The following TTN variants were observed in gnomAD, a reference collection of about 807,000 sequenced individuals.
The protein encoded by TTN is titin.
In TTN, 1,525 loss-of-function variants were observed where a neutral mutation model predicts 3,223.0. The observed-to-expected ratio is 0.47, with a 90% CI of 0.45 to 0.49. The LOEUF (loss-of-function observed/expected upper bound fraction) is 0.49. Ranked by LOEUF, TTN falls within the 20% of genes least tolerant of loss-of-function variation. TTN has a pLI of 0.00. For missense variants in TTN, 40,786 were observed against 43,424.0 expected, an observed-to-expected ratio of 0.94 and a Z score of 5.40; for synonymous variants, 14,094 against 15,161.0, an observed-to-expected ratio of 0.93 and a Z score of 5.17.
rs794729470 is a variant in TTN at position 178,589,453 on chromosome 2, C to T, written c.62272G>A (p.Glu20758Lys). 11 of 1,613,418 alleles carry T rather than the reference C, an allele frequency of 6.8e-6. No individual in the cohort carries two copies. The highest frequency in any genetic ancestry group is 9.3e-6 in the Non-Finnish European group (11 of 1,179,634). ...EGGESDWVKT[E>K]EVVVKEDLQK... ...AAGTCTTCTTTCACAACAACTTCCT[C>T]TGTCTTCACCCAGTCACTTTCCCCA... The change falls in exon 304 of 363, where the codon GAG (glutamate) becomes AAG (lysine). Residue 20758 changes from glutamate to lysine, a missense_variant. Physicochemically the swap from Glu to Lys is moderately conservative, Grantham distance 56. Coordinates refer to ENST00000589042, the MANE Select transcript of TTN (RefSeq NM_001267550.2).
chr2:178,720,697 C>T, intron 79 of TTN, 34 bp from the exon 80 acceptor site: 1 of 1,534,864 alleles, frequency 6.5e-7, no homozygotes, highest in Non-Finnish European at 8.7e-7. Flanking sequence ...AATGAGAACA[C>T]TTGCTTACTA....
rs2154141656 is a variant in TTN, at chr2:178,541,488, T to TG, written c.97588dup (p.Gln32530ProfsTer22). On this transcript the variant is annotated frameshift_variant, in exon 350 of 363. Coordinates refer to ENST00000589042, the MANE Select transcript of TTN (RefSeq NM_001267550.2). LOFTEE classifies it high-confidence loss of function. The stretch of plus-strand genomic sequence containing the variant: ...GCGCTCCACAATATATCCAGTCACT[T>TG]GGGAGCCACCGTCATCCTCTGGTGG... 2 of 1,613,464 alleles carry TG rather than the reference T, an allele frequency of 1.2e-6. No individual in the cohort carries two copies. The highest frequency in any genetic ancestry group is 1.7e-6 in the Non-Finnish European group (2 of 1,179,588).
rs985120825 is a variant in TTN at position 178,618,017 on chromosome 2, T to C, written c.47334A>G (p.Thr15778=). The part of the protein sequence containing the change: ...TDVNRFGVSL[T]WEPPEYDGGA... ...CTCCATCATACTCTGGTGGTTCCCATGTCAGTGAGACACCAAATCGATTCA... is the reference window on the plus strand; with the variant it reads ...CTCCATCATACTCTGGTGGTTCCCACGTCAGTGAGACACCAAATCGATTCA... Residue 15778 remains threonine (T), a synonymous_variant, in exon 253 of 363, where the codon ACA becomes ACG. Transcript: ENST00000589042. 5 of 1,612,406 alleles carry C rather than the reference T, an allele frequency of 3.1e-6. No homozygotes were observed. The highest frequency in any genetic ancestry group is 4.2e-6 in the Non-Finnish European group (5 of 1,179,112).
chr2:178,725,640 C>A lies in TTN; in HGVS notation c.20564G>T (p.Arg6855Ile), dbSNP rs1231976753. 3.2e-6 allele frequency: 5 copies of A among 1,580,396 alleles called. No homozygotes were observed. Among genetic ancestry groups the A allele is most frequent in the Non-Finnish European group, 8.6e-7 (1 of 1,162,230 alleles). Residue 6855 changes from arginine (R) to isoleucine (I), a missense_variant, in exon 71 of 363, where the codon AGA becomes ATA. Arg to Ile is a moderately conservative substitution (Grantham distance 97). Coordinates refer to ENST00000589042, the MANE Select transcript of TTN (RefSeq NM_001267550.2). ...VCTVKLKEPP[R>I]FVSKLNSLTV... is the part of the protein sequence containing the mutation. ...GAGGCTGTTCAGTTTGGAGACAAAT[C>A]TTGGTGGTTCTGAACAGGAAAAGAT... is the stretch of plus-strand genomic sequence containing the variant.
chr2:178,553,397 C>T lies in TTN; in HGVS notation c.89504-1G>A. The stretch of plus-strand genomic sequence containing the variant: ...ACATCCAGGTCAATCTCTGGTGCCT[C>T]TGTAGACATAAAATGGATACATACA... On this transcript the variant is annotated splice_acceptor_variant, in intron 334 of 362. Coordinates refer to ENST00000589042, the MANE Select transcript of TTN (RefSeq NM_001267550.2). LOFTEE classifies it high-confidence loss of function. 1 of 1,588,042 alleles carries T rather than the reference C, an allele frequency of 6.3e-7. No individual in the cohort carries two copies. Among genetic ancestry groups the T allele is most frequent in the Non-Finnish European group, 8.6e-7 (1 of 1,167,694 alleles).
rs1274585493 is a variant in TTN, at chr2:178,775,652, A to T, written c.6212T>A (p.Leu2071Gln). 1 of 1,614,118 alleles carries T rather than the reference A, an allele frequency of 6.2e-7. No homozygotes were observed. ...TTTTGGAGCCTCCATACTAGGACTT[A>T]GTTCAATCTTGTCAGGTTTAAAAGT... ...IPTFKPDKIELSPSMEAPKIF... is the reference protein window; with the variant it reads ...IPTFKPDKIEQSPSMEAPKIF... Residue 2071 changes from leucine to glutamine, a missense_variant, in exon 28 of 363, where the codon CTA (leucine) becomes CAA (glutamine). Leu to Gln is a moderately radical substitution (Grantham distance 113). Transcript: ENST00000589042.
At chr2:178,759,647 TGAAAAG>T (rs2088444843) in intron 43 of TTN, among the ~76,000 whole-genome samples, 2 of 152,066 alleles carry the variant, frequency 1.3e-5, no homozygotes, top group African/African-American at 4.8e-5. Context: ...GATCAAGATA[TGAAAAG>T]TCTAAAATAG....
chr2:178,781,164 A>T lies in TTN; in HGVS notation c.3480T>A (p.Asn1160Lys). 1.2e-6 allele frequency: 2 copies of T among 1,614,078 alleles called. No individual in the cohort carries two copies. The highest frequency in any genetic ancestry group is 8.5e-7 in the Non-Finnish European group (1 of 1,179,970). The change falls in exon 21 of 363, where the codon AAT becomes AAA. Residue 1160 changes from asparagine to lysine, a missense_variant. By Grantham distance (94) the Asn-to-Lys change is moderately conservative (BLOSUM62 0). Coordinates refer to ENST00000589042, the MANE Select transcript of TTN (RefSeq NM_001267550.2). ...CAGATGCAGAAGTTTCTCCATGCTT[A>T]TTGCGAACAACAATAGTGTATTCTC... ...DAGEYTIVVR[N>K]KHGETSASAS... is the part of the protein sequence containing the mutation.
chr2:178,621,894 C>T lies in TTN; in HGVS notation c.45028G>A (p.Glu15010Lys). Residue 15010 changes from glutamate to lysine, a missense_variant, in exon 244 of 363, where the codon GAA becomes AAA. Glu to Lys is a moderately conservative substitution (Grantham distance 56). Coordinates refer to ENST00000589042, the MANE Select transcript of TTN (RefSeq NM_001267550.2). Reference sequence around the variant, plus strand: ...GCTGTCCTTACTTCACAGGAATATTCAGCTTCATCATCCAGTAGACATTTG... The same window carrying T: ...GCTGTCCTTACTTCACAGGAATATTTAGCTTCATCATCCAGTAGACATTTG... ...INKCLLDDEAEYSCEVRTART... is the reference protein window; with the variant it reads ...INKCLLDDEAKYSCEVRTART... 1 of 1,612,234 alleles carries T rather than the reference C, an allele frequency of 6.2e-7. No individual in the cohort carries two copies. The highest frequency in any genetic ancestry group is 8.5e-7 in the Non-Finnish European group (1 of 1,179,006).
chr2:178,614,414 A>G, intron 261 of TTN, 52 bp downstream of exon 261: 3 of 1,578,688 alleles, frequency 1.9e-6, no homozygotes, highest in Non-Finnish European at 2.6e-6. Context: ...TTTTCTTTCA[A>G]GAAAGTAACT....
rs74864455 is a variant in TTN, at chr2:178,698,915, C to T, written c.30683-1G>A. On this transcript the variant is annotated splice_acceptor_variant, in intron 111 of 362. Transcript: ENST00000589042. LOFTEE classifies it high-confidence loss of function. ...TCTTTCTTCACAGCCTTTTTGGTAA[C>T]TAAAAAAAAAAAAAAAGAAAAAAAA... 2.3e-6 allele frequency: 3 copies of T among 1,303,092 alleles called. No homozygotes were observed. The highest frequency in any genetic ancestry group is 2.9e-6 in the Non-Finnish European group (3 of 1,020,916). 80.7% of individuals were successfully genotyped at this position (1,303,092 alleles called of 1,614,324 possible).
rs763572352 is a variant in TTN at position 178,587,446 on chromosome 2, A to ATGTC, written c.63794-33_63794-30dup. On this transcript the variant is annotated intron_variant, in intron 306 of 362. Transcript: ENST00000589042. ...TAAAGAATCATAAAATCAGATATAC[A>ATGTC]TGTCTCCTCAGCATCCCTATTAACA... The ATGTC allele has an allele frequency of 8.1e-6, 13 of 1,602,306 alleles. No individual in the cohort carries two copies. The Admixed American group carries it at 1.0e-4, about 13-fold the overall frequency.
chr2:178,627,303 A>C (rs1331320853), intron 240 of TTN, among the ~76,000 whole-genome samples: 1 of 151,998 alleles, frequency 6.6e-6, no homozygotes, highest in Non-Finnish European at 1.5e-5. Context: ...CATATTTCCT[A>C]TTCCTACAGC....
At chr2:178,694,198 C>G (rs1257936562) in intron 117 of TTN, among the ~76,000 whole-genome samples, 190 bp from the exon 118 acceptor site, 4 of 152,110 alleles carry the variant, frequency 2.6e-5, no homozygotes, top group South Asian at 2.1e-4. Context: ...TGCATGCAGC[C>G]TTCATCAAAC....
rs1223049323 is a variant in TTN, at chr2:178,534,744, G to T, written c.101871C>A (p.Ile33957=). ...YQTRRSSTIK[I]IEFGQARQLK... is the part of the protein sequence containing the mutation. ...GCTGACGGGCTTGACCAAATTCTATGATTTTAATGGTAGAGCTTCTTCTGG... is the reference window on the plus strand; with the variant it reads ...GCTGACGGGCTTGACCAAATTCTATTATTTTAATGGTAGAGCTTCTTCTGG... Residue 33957 remains isoleucine, a synonymous_variant, in exon 358 of 363, where the codon ATC becomes ATA. Transcript: ENST00000589042. The T allele has an allele frequency of 1.9e-6, 3 of 1,613,660 alleles. No homozygotes were observed. The highest frequency in any genetic ancestry group is 1.1e-5 in the South Asian group (1 of 91,078).
rs1473696159 is a variant in TTN at position 178,586,897 on chromosome 2, C to T, written c.64094-90G>A. ...ACATAAGAGTTTTAGTATGGATTTG[C>T]TCCAATGTACATAGAACCTGTAGTT... is the stretch of plus-strand genomic sequence containing the variant. On this transcript the variant is annotated intron_variant, in intron 307 of 362. Coordinates refer to ENST00000589042, the MANE Select transcript of TTN (RefSeq NM_001267550.2). 7 of 1,505,688 alleles carry T rather than the reference C, an allele frequency of 4.6e-6. No individual in the cohort carries two copies. The South Asian group carries it at 4.9e-5, about 10-fold the overall frequency. 93.3% of individuals were successfully genotyped at this position (1,505,688 alleles called of 1,614,324 possible).
chr2:178,612,212 T>A, intron 266 of TTN, 50 bp from the exon 267 acceptor site: 1 of 1,604,652 alleles, frequency 6.2e-7, no homozygotes, highest in Non-Finnish European at 8.5e-7. Context: ...AAGGTGATAA[T>A]CTCCTGTCAC....
Position 178,749,862 on chromosome 2 carries a change from A to T in TTN, c.11311+3262T>A, listed in dbSNP as rs548549470. ...GGCTGGGGCTCACCAGATATTAAAC[A>T]TTCAAGAATGATGGAATCCCCTTCT... On this transcript the variant is annotated intron_variant, in intron 47 of 362. Coordinates refer to ENST00000589042, the MANE Select transcript of TTN (RefSeq NM_001267550.2). The T allele has an allele frequency of 1.3e-5, 21 of 1,612,910 alleles. No individual in the cohort carries two copies. In the South Asian group the frequency reaches 2.3e-4, roughly 18 times the overall value.
In TTN at chr2:178,570,672, T is replaced by C; in HGVS notation, c.75460A>G (p.Asn25154Asp). 6.2e-7 allele frequency: 1 copy of C among 1,613,486 alleles called. No homozygotes were observed. The highest frequency in any genetic ancestry group is 8.5e-7 in the Non-Finnish European group (1 of 1,179,582). The change falls in exon 326 of 363, where the codon AAC becomes GAC. Residue 25154 changes from asparagine (N) to aspartate (D), a missense_variant. Asn to Asp is a conservative substitution (Grantham distance 23). Coordinates refer to ENST00000589042, the MANE Select transcript of TTN (RefSeq NM_001267550.2). Reference protein sequence around the residue: ...QWIKGDQELSNTARLEIKSTD... With the variant: ...QWIKGDQELSDTARLEIKSTD... The stretch of plus-strand genomic sequence containing the variant: ...CTCTTTATTTCTAATCGAGCTGTGT[T>C]TGAAAGCTCCTGATCACCTTTTATC...
Sources: gnomAD v4.1 joint callset for allele counts (sites outside exome capture counted in the v4.1 genomes callset) on GRCh38, gnomAD v4.1.1 for gene constraint, MANE v1.5 for transcripts, NCBI Gene and HGNC (gene_info 2026-07-23, HGNC 2026-07-21) for gene names.